Variants in SEZ6 observed in about 807,000 individuals in gnomAD.
SEZ6 encodes the protein seizure protein 6 homolog.
Under a neutral mutation model 101.0 loss-of-function variants are expected in SEZ6, and 53 were observed. That is an observed-to-expected ratio of 0.52 (90% CI 0.42 to 0.66). The LOEUF is 0.66. Ranked by LOEUF, SEZ6 falls within the 30% of genes least tolerant of loss-of-function variation. SEZ6 has a pLI of 0.00. For synonymous variants in SEZ6, 488 were observed against 512.2 expected (o/e 0.95, Z 0.64); for missense variants, 1,102 against 1,289.4 (o/e 0.85, Z 2.23).
At position 28,956,625 on chromosome 17, in the gene SEZ6, C is replaced by T. The variant is rs553351391; in HGVS notation, c.2731+94G>A. ...CTGCTAGGCCCAAACCTCTCTCTTT[C>T]TCTGCCCTCCCTCCTTGGGAAGCCC... is the stretch of plus-strand genomic sequence containing the variant. On this transcript the variant is annotated intron_variant, in intron 14 of 16. Transcript: ENST00000317338. The T allele has an allele frequency of 4.6e-6, 7 of 1,530,072 alleles. No homozygotes were observed. The Admixed American group carries it at 5.9e-5, about 13-fold the overall frequency. The allele number at this position is 1,530,072 out of a possible 1,614,324, so 94.8% of individuals were successfully genotyped here.
At chr17:28,968,122 CT>C (rs1338026475) in intron 4 of SEZ6, among the ~76,000 whole-genome samples, 2 of 152,198 alleles carry the variant, frequency 1.3e-5, no homozygotes, top group Non-Finnish European at 2.9e-5. Flanking sequence ...GGTGTGGGTA[CT>C]AGGCCCCTCA....
intron 1 of SEZ6, among the ~76,000 whole-genome samples, chr17:28,987,414 G>A (rs75714003): frequency 0.016 from 2,461 of 152,290 alleles, 59 homozygotes; most frequent in African/African-American, 0.056. Context: ...ATATAGGGCC[G>A]CTGGGATCTG....
At chr17:28,963,132 A>G (rs866609560) in intron 5 of SEZ6, among the ~76,000 whole-genome samples, 71 of 152,098 alleles carry the variant, frequency 4.7e-4, no homozygotes, top group African/African-American at 1.6e-3. Context: ...TCGAAGAAAA[A>G]AAAAAAAAAA....
At chr17:28,957,659 A>T (rs761478851) in intron 11 of SEZ6, 120 bp from the exon 12 acceptor site, 16 of 1,102,396 alleles carry the variant, frequency 1.5e-5, no homozygotes, top group Non-Finnish European at 2.0e-5. Context: ...CCCCCTACGT[A>T]TCTGTCCCTA....
chr17:28,971,457 G>A (rs1003253857), intron 3 of SEZ6, among the ~76,000 whole-genome samples: 27 of 152,038 alleles, frequency 1.8e-4, no homozygotes, highest in African/African-American at 6.5e-4. Flanking sequence ...GCTGGGCGTG[G>A]TGGCACATGC....
At chr17:28,973,805 C>T (rs576302345) in intron 3 of SEZ6, among the ~76,000 whole-genome samples, 2 of 152,306 alleles carry the variant, frequency 1.3e-5, no homozygotes, top group Non-Finnish European at 2.9e-5. Flanking sequence ...GAAATGTCAG[C>T]TCTGTTCTTG....
Position 28,957,461 on chromosome 17 carries a change from G to A in SEZ6, c.2381C>T (p.Thr794Ile), listed in dbSNP as rs763924249. Reference sequence around the variant, plus strand: ...ACCCTGGTCACAGATATATTGCACGGTGGCCCCCACGGGAAACTTGGGGCT... The same window carrying A: ...ACCCTGGTCACAGATATATTGCACGATGGCCCCCACGGGAAACTTGGGGCT... ...ISSPKFPVGA[T>I]VQYICDQGFV... Residue 794 changes from threonine (T) to isoleucine (I), a missense_variant, in exon 12 of 17, where the codon ACC becomes ATC. Physicochemically the swap from Thr to Ile is moderately conservative, Grantham distance 89. Coordinates refer to ENST00000317338, the MANE Select transcript of SEZ6 (RefSeq NM_178860.5). 2 of 1,613,756 alleles carry A rather than the reference G, an allele frequency of 1.2e-6. No homozygotes were observed. The highest frequency in any genetic ancestry group is 1.1e-5 in the South Asian group (1 of 91,066).
rs547488702 is a variant in SEZ6, at chr17:28,998,511, G to A, written c.55+7304C>T. Reference sequence around the variant, plus strand: ...TTTGGTGCTGCAGAATCCAAGCAGCGGGTCTCCCCCTTCTTTCCCCACCAC... The same window carrying A: ...TTTGGTGCTGCAGAATCCAAGCAGCAGGTCTCCCCCTTCTTTCCCCACCAC... On this transcript the variant is annotated intron_variant, in intron 1 of 16. Transcript: ENST00000317338. 7.9e-5 allele frequency among the ~76,000 whole-genome samples: 12 copies of A among 152,138 alleles called. No individual in the cohort carries two copies. The East Asian group carries it at 2.3e-3, about 29-fold the overall frequency.
rs1439896781 is a variant in SEZ6, at chr17:28,964,091, T to G, written c.1111A>C (p.Thr371Pro). Residue 371 changes from threonine to proline, a missense_variant, in exon 5 of 17, where the codon ACC becomes CCC. Transcript: ENST00000317338. Reference sequence around the variant, plus strand: ...GCACTACCCCCTGGGTGGAGGCTGGTGACAGTCACATCTCCATAAGCTGGA... The same window carrying G: ...GCACTACCCCCTGGGTGGAGGCTGGGGACAGTCACATCTCCATAAGCTGGA... ...RRPAYGDVTV[T>P]SLHPGGSARF... 1 of 1,605,946 alleles carries G rather than the reference T, an allele frequency of 6.2e-7. No individual in the cohort carries two copies. Among genetic ancestry groups the G allele is most frequent in the South Asian group, 1.1e-5 (1 of 89,356 alleles).
chr17:28,956,318 G>A (rs1396777348), intron 15 of SEZ6, 32 bp downstream of exon 15: 1 of 1,578,594 alleles, frequency 6.3e-7, no homozygotes, highest in South Asian at 1.2e-5. Flanking sequence ...AGGTATGCAG[G>A]TATGCAGAGC....
intron 5 of SEZ6, among the ~76,000 whole-genome samples, 178 bp from the exon 6 acceptor site, chr17:28,961,151 C>T (rs2040972415): frequency 6.6e-6 from 1 of 152,104 alleles, no homozygotes; most frequent in African/African-American, 2.4e-5. Flanking sequence ...GAACCTGCAT[C>T]TCCAGGCAGC....
intron 1 of SEZ6, among the ~76,000 whole-genome samples, chr17:28,983,933 T>C (rs945889965): frequency 2.0e-5 from 3 of 151,560 alleles, no homozygotes; most frequent in Non-Finnish European, 4.4e-5. Flanking sequence ...GCAGCTCTGA[T>C]GTGTCAGACA....
chr17:28,960,445 C>T, intron 7 of SEZ6, 60 bp downstream of exon 7: 2 of 1,547,212 alleles, frequency 1.3e-6, no homozygotes, highest in Non-Finnish European at 1.7e-6. Flanking sequence ...GGAGAAAGAC[C>T]CTAGGCCCGA....
chr17:28,994,965 A>G (rs908298494), intron 1 of SEZ6, among the ~76,000 whole-genome samples: 17 of 151,198 alleles, frequency 1.1e-4, no homozygotes, highest in African/African-American at 4.1e-4. Flanking sequence ...CTCCACCTCC[A>G]GGGTTCACTC....
At chr17:28,960,014 CCTG>C (rs2040950723) in intron 7 of SEZ6, 122 bp from the exon 8 acceptor site, 2 of 1,097,940 alleles carry the variant, frequency 1.8e-6, no homozygotes, top group Non-Finnish European at 2.6e-6. Context: ...AAATATATGT[CCTG>C]GGGTTGGAGC....
intron 3 of SEZ6, among the ~76,000 whole-genome samples, chr17:28,972,536 C>T (rs941616873): frequency 6.6e-6 from 1 of 152,168 alleles, no homozygotes; most frequent in African/African-American, 2.4e-5. Context: ...AGAGAAGGCT[C>T]AAGGCAGGGT....
intron 13 of SEZ6, 112 bp downstream of exon 13, chr17:28,956,933 A>C: frequency 7.3e-7 from 1 of 1,370,258 alleles, no homozygotes; most frequent in South Asian, 1.4e-5. Flanking sequence ...GGGGAGACCA[A>C]GGGTAACATG....
At chr17:28,956,844 A>G in intron 13 of SEZ6, 87 bp from the exon 14 acceptor site, 1 of 1,487,278 alleles carries the variant, frequency 6.7e-7, no homozygotes, top group Non-Finnish European at 9.2e-7. Flanking sequence ...TGGGATGATC[A>G]TGGGAAGGAT....
At chr17:28,970,076 A>C (rs756934477) in intron 3 of SEZ6, 124 bp from the exon 4 acceptor site, 38 of 859,654 alleles carry the variant, frequency 4.4e-5, no homozygotes, top group Non-Finnish European at 6.0e-5. Context: ...TGAGCATCGG[A>C]GCCCCCAGGC....
Sources: gnomAD v4.1 joint callset for allele counts (sites outside exome capture counted in the v4.1 genomes callset) on GRCh38, gnomAD v4.1.1 for gene constraint, MANE v1.5 for transcripts, NCBI Gene and HGNC (gene_info 2026-07-23, HGNC 2026-07-21) for gene names.